THUMPD2: variants seen among roughly 807,000 people sequenced by gnomAD.
THUMPD2 encodes THUMP domain 2 tRNA and snRNA guanosine methyltransferase, also known as U6 snRNA (guanine-N(2))-methyltransferase THUMPD2.
A neutral mutation model predicts 49.4 loss-of-function variants in THUMPD2; 56 were observed. The ratio of observed to expected loss-of-function variants is 1.13; its 90% CI spans 0.91 to 1.41. The LOEUF (loss-of-function observed/expected upper bound fraction) is 1.41, where lower values mean the gene tolerates loss of function less well. Among genes scored for constraint, THUMPD2 ranks in the 40% most tolerant of loss-of-function variants. The pLI is 0.00. For synonymous variants in THUMPD2, 237 were observed against 205.2 expected, an observed-to-expected ratio of 1.15 and a Z score of -1.32; for missense variants, 709 against 594.5, an observed-to-expected ratio of 1.19 and a Z score of -2.00.
intron 4 of THUMPD2, among the ~76,000 whole-genome samples, chr2:39,767,553 G>C (rs1268316395): frequency 1.6e-5 from 2 of 126,636 alleles, no homozygotes; most frequent in Non-Finnish European, 3.1e-5. Context: ...GCAGTGAGCC[G>C]AGATCCCGCC....
intron 6 of THUMPD2, chr2:39,757,247 C>A: frequency 1.9e-6 from 1 of 529,622 alleles, no homozygotes. Context: ...CAGGAACGTA[C>A]CCCACTGTCA....
chr2:39,773,311 G>T (rs985480934), intron 1 of THUMPD2, among the ~76,000 whole-genome samples: 1 of 151,926 alleles, frequency 6.6e-6, no homozygotes, highest in Non-Finnish European at 1.5e-5. Flanking sequence ...ACTTTACTAA[G>T]ATTCTGGGGG....
In THUMPD2 at chr2:39,769,868, G is replaced by C. The variant is rs1313679392; in HGVS notation, c.514C>G (p.Leu172Val). Residue 172 changes from leucine to valine, a missense_variant, in exon 3 of 10, where the codon CTG (leucine) becomes GTG (valine). Physicochemically the swap from Leu to Val is conservative, Grantham distance 32. Transcript: ENST00000505747. ...QLEKQIKEET[L>V]EQRDFTTKSE... ...TTAGTGGTAAAATCTCTTTGCTCCAGAGTTTCTTCTTTTATTTGTTTTTCC... is the reference window on the plus strand; with the variant it reads ...TTAGTGGTAAAATCTCTTTGCTCCACAGTTTCTTCTTTTATTTGTTTTTCC... 1.9e-6 allele frequency: 3 copies of C among 1,603,584 alleles called. No homozygotes were observed. The highest frequency in any genetic ancestry group is 1.7e-4 in the Middle Eastern group (1 of 5,984).
chr2:39,757,346 T>A (rs1471736697), intron 6 of THUMPD2: 3 of 1,284,344 alleles, frequency 2.3e-6, no homozygotes, highest in Non-Finnish European at 3.1e-6. Flanking sequence ...CACAGCCAGG[T>A]TTCAGTCAGA....
intron 8 of THUMPD2, among the ~76,000 whole-genome samples, chr2:39,753,970 A>T (rs967524151): frequency 4.6e-5 from 7 of 152,190 alleles, no homozygotes; most frequent in African/African-American, 1.7e-4. Context: ...ACACACACAC[A>T]AACAGTGGAG....
At chr2:39,750,519 C>T (rs1355967086) in intron 8 of THUMPD2, among the ~76,000 whole-genome samples, 1 of 152,146 alleles carries the variant, frequency 6.6e-6, no homozygotes, top group Non-Finnish European at 1.5e-5. Flanking sequence ...CCAGCCTGGG[C>T]AACATGGCGA....
At chr2:39,755,185 T>C (rs1019237956) in intron 8 of THUMPD2, 110 bp downstream of exon 8, 10 of 622,434 alleles carry the variant, frequency 1.6e-5, no homozygotes, top group South Asian at 7.3e-5. Flanking sequence ...CCCACAGATA[T>C]ATTAAAGGGT....
At position 39,737,078 on chromosome 2, in the gene THUMPD2, G is replaced by T. The variant is rs1673178718; in HGVS notation, c.1188-19C>A. The stretch of plus-strand genomic sequence containing the variant: ...AAGCACTCTGTGACAAAAAAAAAAT[G>T]GTAATTGCTATCTTTCTCCTTTCTA... On this transcript the variant is annotated intron_variant, in intron 9 of 9. Coordinates refer to ENST00000505747, the MANE Select transcript of THUMPD2 (RefSeq NM_025264.5). 2 of 1,562,412 alleles carry T rather than the reference G, an allele frequency of 1.3e-6. No individual in the cohort carries two copies. The highest frequency in any genetic ancestry group is 1.4e-5 in the African/African-American group (1 of 73,022).
At chr2:39,775,245 C>G (rs1368999902) in intron 1 of THUMPD2, among the ~76,000 whole-genome samples, 1 of 152,062 alleles carries the variant, frequency 6.6e-6, no homozygotes, top group African/African-American at 2.4e-5. Context: ...CGCCACTGTT[C>G]CCTAGCCTGA....
intron 9 of THUMPD2, among the ~76,000 whole-genome samples, chr2:39,741,980 G>C (rs1010412183): frequency 1.3e-5 from 2 of 152,104 alleles, no homozygotes; most frequent in African/African-American, 4.8e-5. Flanking sequence ...GTAAGTTCTA[G>C]GTGGCCAGCA....
Position 39,769,790 on chromosome 2 carries a change from C to G in THUMPD2, c.592G>C (p.Asp198His). 6.2e-7 allele frequency: 1 copy of G among 1,605,194 alleles called. No homozygotes were observed. The highest frequency in any genetic ancestry group is 8.5e-7 in the Non-Finnish European group (1 of 1,177,842). Residue 198 changes from aspartate to histidine, a missense_variant, in exon 3 of 10, where the codon GAT (aspartate) becomes CAT (histidine). By Grantham distance (81) the Asp-to-His change is moderately conservative. Coordinates refer to ENST00000505747, the MANE Select transcript of THUMPD2 (RefSeq NM_025264.5). ...EFQNDIEKAI[D>H]THNQNDLTFR... is the part of the protein sequence containing the mutation. ...GTCAAGTCATTCTGATTATGAGTATCAATTGCTTTCTCTATGTCATTCTGA... is the reference window on the plus strand; with the variant it reads ...GTCAAGTCATTCTGATTATGAGTATGAATTGCTTTCTCTATGTCATTCTGA...
chr2:39,774,801 T>A (rs1173923859), intron 1 of THUMPD2, among the ~76,000 whole-genome samples: 1 of 152,198 alleles, frequency 6.6e-6, no homozygotes, highest in African/African-American at 2.4e-5. Context: ...ATATACAATC[T>A]GTTTTTTTCT....
chr2:39,740,098 T>C (rs1673701599), intron 9 of THUMPD2, among the ~76,000 whole-genome samples: 5 of 152,204 alleles, frequency 3.3e-5, no homozygotes, highest in Admixed American at 3.3e-4. Context: ...CAGAATTATC[T>C]TTCTAAGTAT....
At chr2:39,776,526 C>T (rs988139167) in intron 1 of THUMPD2, among the ~76,000 whole-genome samples, 12 of 151,756 alleles carry the variant, frequency 7.9e-5, no homozygotes, top group East Asian at 1.9e-4. Context: ...CCCGAACAGC[C>T]GGGACTACAG....
intron 8 of THUMPD2, among the ~76,000 whole-genome samples, chr2:39,751,787 C>A (rs1273918730): frequency 6.8e-6 from 1 of 146,000 alleles, no homozygotes; most frequent in Non-Finnish European, 1.5e-5. Flanking sequence ...TAGGTTCAAG[C>A]GATTCTTCTG....
chr2:39,753,882 T>C (rs539244835), intron 8 of THUMPD2, among the ~76,000 whole-genome samples: 10 of 152,202 alleles, frequency 6.6e-5, no homozygotes, highest in Non-Finnish European at 1.5e-4. Context: ...TGTCCTTCCC[T>C]CACTAAAGTC....
intron 2 of THUMPD2, among the ~76,000 whole-genome samples, chr2:39,770,663 C>T (rs1045293106): frequency 2.6e-5 from 4 of 152,014 alleles, no homozygotes; most frequent in Admixed American, 2.0e-4. Flanking sequence ...AAAGTTTAAT[C>T]TCTTCTTGAT....
intron 9 of THUMPD2, among the ~76,000 whole-genome samples, chr2:39,738,704 A>C (rs1216767099): frequency 6.7e-6 from 1 of 148,778 alleles, no homozygotes; most frequent in East Asian, 1.9e-4. Context: ...TAAATTATAT[A>C]TATATGTAAA....
At chr2:39,777,678 A>G (rs531094888) in intron 1 of THUMPD2, among the ~76,000 whole-genome samples, 3 of 152,338 alleles carry the variant, frequency 2.0e-5, no homozygotes, top group Admixed American at 1.3e-4. Flanking sequence ...TTCAGATCCC[A>G]TTTCCAGACC....
Sources: allele counts gnomAD v4.1 joint callset (sites outside exome capture counted in the v4.1 genomes callset), GRCh38; gene constraint gnomAD v4.1.1; transcripts MANE v1.5; gene names NCBI Gene and HGNC (gene_info 2026-07-23, HGNC 2026-07-21).